ATRNL1: variants seen among roughly 807,000 people sequenced by gnomAD.
The protein encoded by ATRNL1 is attractin like 1, also known as attractin-like protein 1.
ATRNL1 carries 95 observed loss-of-function variants against 182.7 expected under a neutral mutation model. The ratio of observed to expected loss-of-function variants is 0.52; its 90% CI spans 0.44 to 0.62. The LOEUF (loss-of-function observed/expected upper bound fraction) is 0.62, where lower values mean the gene tolerates loss of function less well. Among genes scored for constraint, ATRNL1 ranks in the 20% least tolerant of loss-of-function variants. ATRNL1 has a pLI of 0.00. For synonymous variants in ATRNL1, 576 were observed against 568.3 expected, an observed-to-expected ratio of 1.01 and a Z score of -0.19; for missense variants, 1,471 against 1,679.5, an observed-to-expected ratio of 0.88 and a Z score of 2.17.
intron 25 of ATRNL1, among the ~76,000 whole-genome samples, chr10:115,549,128 A>C (rs1426743860): frequency 1.3e-5 from 2 of 152,134 alleles, no homozygotes; most frequent in Non-Finnish European, 2.9e-5. Context: ...TCCATATTTT[A>C]TAACTCATAA....
At chr10:115,167,217 G>A (rs1046351841) in intron 7 of ATRNL1, among the ~76,000 whole-genome samples, 2 of 149,024 alleles carry the variant, frequency 1.3e-5, no homozygotes, top group African/African-American at 4.9e-5. Context: ...GTATATGAGG[G>A]TTTTTTTTTT....
At chr10:115,488,822 G>T (rs1264277390) in intron 24 of ATRNL1, among the ~76,000 whole-genome samples, 1 of 152,124 alleles carries the variant, frequency 6.6e-6, no homozygotes, top group Non-Finnish European at 1.5e-5. Flanking sequence ...ATGTTAGGGT[G>T]TCAATTTTAG....
intron 26 of ATRNL1, among the ~76,000 whole-genome samples, chr10:115,619,520 C>G (rs1264587413): frequency 3.9e-5 from 6 of 152,200 alleles, no homozygotes; most frequent in Non-Finnish European, 8.8e-5. Context: ...GCCACACTTG[C>G]AAGCATCCGT....
At chr10:115,367,392 G>A (rs1191739361) in intron 19 of ATRNL1, among the ~76,000 whole-genome samples, 26 of 137,638 alleles carry the variant, frequency 1.9e-4, no homozygotes, top group South Asian at 1.5e-3. Context: ...GCACTTCTCC[G>A]TATTGGTTAT....
chr10:115,537,455 C>G (rs1265680748), intron 25 of ATRNL1, among the ~76,000 whole-genome samples: 2 of 152,120 alleles, frequency 1.3e-5, no homozygotes, highest in African/African-American at 4.8e-5. Context: ...TCATTTAAAT[C>G]CTCTTTCCTT....
chr10:115,762,359 A>G (rs1172347831), intron 27 of ATRNL1, among the ~76,000 whole-genome samples: 2 of 152,208 alleles, frequency 1.3e-5, no homozygotes, highest in Non-Finnish European at 1.5e-5. Flanking sequence ...GACCTCATCC[A>G]TGATGGCTAA....
intron 18 of ATRNL1, among the ~76,000 whole-genome samples, chr10:115,329,834 CTGTT>C (rs1855118174): frequency 6.6e-6 from 1 of 152,074 alleles, no homozygotes; most frequent in African/African-American, 2.4e-5. Flanking sequence ...CATTGACTCA[CTGTT>C]TGTCTTTTAT....
intron 28 of ATRNL1, among the ~76,000 whole-genome samples, chr10:115,920,483 C>T (rs1555118467): frequency 1.3e-5 from 2 of 152,148 alleles, no homozygotes; most frequent in Non-Finnish European, 1.5e-5. Context: ...TCACCCATTC[C>T]CTGCCAGGGA....
At chr10:115,096,721 A>G in intron 1 of ATRNL1, 1 of 1,287,864 alleles carries the variant, frequency 7.8e-7, no homozygotes. Flanking sequence ...GAAGAAATGC[A>G]GAAGCAAATA....
intron 5 of ATRNL1, among the ~76,000 whole-genome samples, chr10:115,151,861 T>C (rs1592174059): frequency 6.6e-6 from 1 of 152,338 alleles, no homozygotes; most frequent in East Asian, 1.9e-4. Context: ...AACATTTAAG[T>C]CTTTAATTCA....
chr10:115,766,007 C>T (rs1052835478), intron 27 of ATRNL1, among the ~76,000 whole-genome samples: 2 of 152,108 alleles, frequency 1.3e-5, no homozygotes, highest in African/African-American at 4.8e-5. Flanking sequence ...ATCTTATCAT[C>T]ATCTAACATA....
chr10:115,504,886 C>G (rs538155605), intron 24 of ATRNL1, among the ~76,000 whole-genome samples: 1 of 152,020 alleles, frequency 6.6e-6, no homozygotes, highest in African/African-American at 2.4e-5. Context: ...TTAGGCATGC[C>G]TATAGAAGTA....
chr10:115,760,824 G>A (rs2907518), intron 27 of ATRNL1, among the ~76,000 whole-genome samples: 144,706 of 152,270 alleles, frequency 0.95, 69,170 homozygotes, highest in East Asian at 1. Context: ...TAATTTAAAA[G>A]TAATCAGACA....
chr10:115,519,655 C>T (rs1411822922), intron 25 of ATRNL1, among the ~76,000 whole-genome samples: 1 of 152,138 alleles, frequency 6.6e-6, no homozygotes, highest in East Asian at 1.9e-4. Context: ...GTTACATCTA[C>T]AAGAACTAAA....
intron 26 of ATRNL1, among the ~76,000 whole-genome samples, chr10:115,549,819 A>G (rs1852862623): frequency 6.6e-6 from 1 of 152,018 alleles, no homozygotes; most frequent in African/African-American, 2.4e-5. Context: ...ATTTTGTAAT[A>G]TATTTAACAG....
intron 21 of ATRNL1, among the ~76,000 whole-genome samples, chr10:115,451,884 G>C (rs1847299858): frequency 6.6e-6 from 1 of 152,120 alleles, no homozygotes; most frequent in African/African-American, 2.4e-5. Context: ...TGACAGATCA[G>C]ATAAAGAAAA....
intron 28 of ATRNL1, among the ~76,000 whole-genome samples, chr10:115,863,097 T>C (rs2134395757): frequency 6.6e-6 from 1 of 152,228 alleles, no homozygotes; most frequent in South Asian, 2.1e-4. Flanking sequence ...AAATGGGGTA[T>C]AAAAATGGAG....
Position 115,159,946 on chromosome 10 carries a change from T to A in ATRNL1, c.830-94T>A, listed in dbSNP as rs1846698556. 2.3e-5 allele frequency: 21 copies of A among 903,022 alleles called. No homozygotes were observed. The South Asian group carries it at 5.2e-4, about 23-fold the overall frequency. 55.9% of individuals were successfully genotyped at this position (903,022 alleles called of 1,614,324 possible). On this transcript the variant is annotated intron_variant, in intron 5 of 28. Coordinates refer to ENST00000355044, the MANE Select transcript of ATRNL1 (RefSeq NM_207303.4). ...TATATATTTGTTAATATGATAAACA[T>A]TGAATTCTTAAATTCTCTTAATCCA...
At chr10:115,468,636 C>T (rs1432834423) in intron 23 of ATRNL1, among the ~76,000 whole-genome samples, 1 of 150,842 alleles carries the variant, frequency 6.6e-6, no homozygotes, top group South Asian at 2.1e-4. Context: ...GGCCTCCACC[C>T]AATTTATTTA....
Sources: allele counts gnomAD v4.1 joint callset (sites outside exome capture counted in the v4.1 genomes callset), GRCh38; gene constraint gnomAD v4.1.1; transcripts MANE v1.5; gene names NCBI Gene and HGNC (gene_info 2026-07-23, HGNC 2026-07-21).